Variants in COMMD1 observed in about 807,000 individuals in gnomAD.
COMMD1 encodes copper metabolism domain containing 1.
A neutral mutation model predicts 17.2 loss-of-function variants in COMMD1; 10 were observed. The ratio of observed to expected loss-of-function variants is 0.58; its 90% CI spans 0.36 to 0.99. The LOEUF (loss-of-function observed/expected upper bound fraction) is 0.99, where lower values mean the gene tolerates loss of function less well. Ranked by LOEUF, COMMD1 falls within the 50% of genes least tolerant of loss-of-function variation. The pLI, the probability that COMMD1 is intolerant of heterozygous loss-of-function variation, is 0.01. For synonymous variants in COMMD1, 97 were observed against 91.6 expected, an observed-to-expected ratio of 1.06 and a Z score of -0.34; for missense variants, 270 against 231.8, an observed-to-expected ratio of 1.17 and a Z score of -1.07.
chr2:62,010,999 C>T (rs1457255129), intron 2 of COMMD1, among the ~76,000 whole-genome samples: 3 of 152,192 alleles, frequency 2.0e-5, no homozygotes, highest in Non-Finnish European at 2.9e-5. Context: ...TAGCTAGACC[C>T]ACTGGCCTTG....
chr2:61,888,543 G>T, upstream of COMMD1: 1 of 1,599,638 alleles, frequency 6.3e-7, no homozygotes, highest in Non-Finnish European at 8.5e-7. Context: ...GCTCGGGAAG[G>T]ACGGATGGAC....
chr2:61,947,852 A>G (rs1670950353), intron 1 of COMMD1, among the ~76,000 whole-genome samples: 1 of 149,608 alleles, frequency 6.7e-6, no homozygotes, highest in Non-Finnish European at 1.5e-5. Context: ...GGCCTGTCTT[A>G]TTTCTACTTT....
At chr2:61,973,680 G>A (rs961273332) in intron 1 of COMMD1, among the ~76,000 whole-genome samples, 8 of 152,118 alleles carry the variant, frequency 5.3e-5, no homozygotes, top group Admixed American at 1.3e-4. Flanking sequence ...GTAATAGTAC[G>A]TAGTATGTCA....
At chr2:62,012,275 AC>A (rs1357327919) in intron 2 of COMMD1, among the ~76,000 whole-genome samples, 1 of 122,280 alleles carries the variant, frequency 8.2e-6, no homozygotes. Flanking sequence ...ACACATACAC[AC>A]ACACACACAC....
intron 1 of COMMD1, among the ~76,000 whole-genome samples, chr2:61,925,765 T>C (rs919377748): frequency 6.6e-6 from 1 of 152,180 alleles, no homozygotes; most frequent in Admixed American, 6.5e-5. Flanking sequence ...AGGACTCACA[T>C]TCCTCAAAGT....
intron 2 of COMMD1, among the ~76,000 whole-genome samples, chr2:62,080,201 C>G (rs991720238): frequency 1.3e-5 from 2 of 151,922 alleles, no homozygotes; most frequent in Admixed American, 1.3e-4. Flanking sequence ...GCCTGTAATC[C>G]CAGTACTTTG....
chr2:62,052,010 C>A (rs1341092219), intron 2 of COMMD1, among the ~76,000 whole-genome samples: 1 of 152,184 alleles, frequency 6.6e-6, no homozygotes, highest in Non-Finnish European at 1.5e-5. Flanking sequence ...GAATTACCAT[C>A]CACTCTTTCA....
chr2:62,032,334 G>A (rs1669929573), intron 2 of COMMD1, among the ~76,000 whole-genome samples: 2 of 152,098 alleles, frequency 1.3e-5, no homozygotes, highest in South Asian at 2.1e-4. Context: ...CCAGGTGGCC[G>A]AGATCTCCCT....
chr2:61,911,729 T>G (rs1669913395), intron 1 of COMMD1, among the ~76,000 whole-genome samples: 1 of 152,298 alleles, frequency 6.6e-6, no homozygotes, highest in South Asian at 2.1e-4. Context: ...TAGGTACCAG[T>G]GATCCTTTAA....
At chr2:62,035,656 T>C (rs2103883776) in intron 2 of COMMD1, among the ~76,000 whole-genome samples, 1 of 151,582 alleles carries the variant, frequency 6.6e-6, no homozygotes, top group African/African-American at 2.4e-5. Context: ...GGAGGATCTC[T>C]TGAGCCCAGG....
chr2:61,954,723 C>G (rs1671149499), intron 1 of COMMD1, among the ~76,000 whole-genome samples: 1 of 152,066 alleles, frequency 6.6e-6, no homozygotes, highest in African/African-American at 2.4e-5. Context: ...GCTCTCTTGC[C>G]CAGGCTAGAG....
chr2:61,956,964 T>C (rs1671214192), intron 1 of COMMD1, among the ~76,000 whole-genome samples: 1 of 151,906 alleles, frequency 6.6e-6, no homozygotes, highest in Non-Finnish European at 1.5e-5. Flanking sequence ...TTGGCCAGGA[T>C]GGTCTCGAAC....
At chr2:62,051,725 A>G (rs1670542533) in intron 2 of COMMD1, among the ~76,000 whole-genome samples, 1 of 151,956 alleles carries the variant, frequency 6.6e-6, no homozygotes, top group Admixed American at 6.6e-5. Flanking sequence ...TTCCATTGGG[A>G]CCTCCTGGAA....
chr2:61,970,768 T>C (rs1457501690), intron 1 of COMMD1, among the ~76,000 whole-genome samples: 1 of 152,236 alleles, frequency 6.6e-6, no homozygotes, highest in African/African-American at 2.4e-5. Context: ...CCAGGTTGTC[T>C]TGTATTTGGA....
chr2:62,106,926 G>C (rs1672339050), intron 2 of COMMD1, among the ~76,000 whole-genome samples: 1 of 152,114 alleles, frequency 6.6e-6, no homozygotes, highest in Non-Finnish European at 1.5e-5. Flanking sequence ...GTTCCTGGTG[G>C]GTCCCTAGGC....
chr2:61,979,405 A>C (rs886294976), intron 1 of COMMD1, among the ~76,000 whole-genome samples: 4 of 152,096 alleles, frequency 2.6e-5, no homozygotes, highest in African/African-American at 9.7e-5. Context: ...TGAACCTGGG[A>C]GGCAGAGATT....
At chr2:61,950,488 G>A (rs1671023079) in intron 1 of COMMD1, among the ~76,000 whole-genome samples, 1 of 152,192 alleles carries the variant, frequency 6.6e-6, no homozygotes, top group Non-Finnish European at 1.5e-5. Context: ...ATCCCCTATG[G>A]ATTAATATGG....
chr2:62,013,436 T>C (rs1669343602), intron 2 of COMMD1, among the ~76,000 whole-genome samples: 1 of 152,200 alleles, frequency 6.6e-6, no homozygotes, highest in Non-Finnish European at 1.5e-5. Flanking sequence ...CTGTTTCTCA[T>C]TTATGACAGG....
chr2:62,081,253 A>ATTT (rs34994117), intron 2 of COMMD1, among the ~76,000 whole-genome samples: 4 of 141,566 alleles, frequency 2.8e-5, no homozygotes, highest in Non-Finnish European at 4.6e-5. Flanking sequence ...CTCAATCTAG[A>ATTT]TTTTTTTTTT....
Sources: allele counts gnomAD v4.1 joint callset (sites outside exome capture counted in the v4.1 genomes callset), GRCh38; gene constraint gnomAD v4.1.1; transcripts MANE v1.5; gene names NCBI Gene and HGNC (gene_info 2026-07-23, HGNC 2026-07-21).